MAPKAP1: variants seen among roughly 807,000 people sequenced by gnomAD.
The protein encoded by MAPKAP1 is target of rapamycin complex 2 subunit MAPKAP1.
In MAPKAP1, 20 loss-of-function variants were observed where a neutral mutation model predicts 65.7. That is an observed-to-expected ratio of 0.30 (90% CI 0.21 to 0.44). The LOEUF (loss-of-function observed/expected upper bound fraction) is 0.44, where lower values mean the gene tolerates loss of function less well. MAPKAP1 is among the 20% of genes least tolerant of loss of function. The probability of loss-of-function intolerance (pLI) is 1.00; values close to 1 mark genes in which losing one functional copy is unlikely to be tolerated. For missense variants in MAPKAP1, 423 were observed against 648.0 expected (o/e 0.65, Z 3.77); for synonymous variants, 222 against 244.3 (o/e 0.91, Z 0.85).
intron 5 of MAPKAP1, among the ~76,000 whole-genome samples, chr9:125,563,663 G>A (rs974818640): frequency 2.6e-5 from 4 of 152,078 alleles, no homozygotes; most frequent in African/African-American, 9.7e-5. Context: ...ATGAAGATAT[G>A]AATGTGTAGA....
intron 1 of MAPKAP1, among the ~76,000 whole-genome samples, chr9:125,701,124 A>G (rs916378242): frequency 1.3e-5 from 2 of 152,250 alleles, no homozygotes; most frequent in African/African-American, 4.8e-5. Flanking sequence ...AAGCATATCA[A>G]TTAGAAACAG....
intron 9 of MAPKAP1, 52 bp downstream of exon 9, chr9:125,484,391 T>C: frequency 4.5e-6 from 7 of 1,555,080 alleles, no homozygotes; most frequent in Non-Finnish European, 6.1e-6. Context: ...TCCCCATTTC[T>C]ACACCGACTG....
chr9:125,579,029 TA>T (rs1372920960), intron 5 of MAPKAP1, among the ~76,000 whole-genome samples: 3 of 152,204 alleles, frequency 2.0e-5, no homozygotes, highest in African/African-American at 7.2e-5. Flanking sequence ...CAAAATTCAA[TA>T]AAGAATAACA....
chr9:125,516,576 C>T (rs1458194870), intron 7 of MAPKAP1, among the ~76,000 whole-genome samples: 1 of 152,206 alleles, frequency 6.6e-6, no homozygotes, highest in African/African-American at 2.4e-5. Context: ...CAATCTTCAT[C>T]AGCCAAAGGA....
At chr9:125,636,847 CTCAACCCTG>C (rs1404657801) in intron 4 of MAPKAP1, among the ~76,000 whole-genome samples, 2 of 152,214 alleles carry the variant, frequency 1.3e-5, no homozygotes, top group Non-Finnish European at 2.9e-5. Context: ...AAAGCTAGGA[CTCAACCCTG>C]TCTTACCCTA....
At chr9:125,536,562 C>T (rs1830078987) in intron 7 of MAPKAP1, among the ~76,000 whole-genome samples, 1 of 142,536 alleles carries the variant, frequency 7.0e-6, no homozygotes, top group South Asian at 2.3e-4. Context: ...ACAAAGATCA[C>T]TTAAACAGTT....
intron 1 of MAPKAP1, among the ~76,000 whole-genome samples, chr9:125,686,260 C>T (rs990156009): frequency 4.8e-5 from 7 of 144,514 alleles, no homozygotes; most frequent in African/African-American, 1.8e-4. Flanking sequence ...TGCAGTGGAC[C>T]GAGATAGAGC....
At chr9:125,644,834 C>CGATA (rs1833679645) in intron 4 of MAPKAP1, among the ~76,000 whole-genome samples, 1 of 152,162 alleles carries the variant, frequency 6.6e-6, no homozygotes, top group Non-Finnish European at 1.5e-5. Context: ...GAGATAATAT[C>CGATA]CATTTCTAGT....
chr9:125,502,616 T>A (rs1023386673), intron 8 of MAPKAP1, among the ~76,000 whole-genome samples: 1 of 152,214 alleles, frequency 6.6e-6, no homozygotes, highest in Non-Finnish European at 1.5e-5. Context: ...GTCTTGTTTT[T>A]TCCTAGCCTA....
chr9:125,557,627 C>T (rs1830773320), intron 6 of MAPKAP1, among the ~76,000 whole-genome samples: 1 of 147,636 alleles, frequency 6.8e-6, no homozygotes, highest in African/African-American at 2.4e-5. Flanking sequence ...TAGATAATGA[C>T]CATCATCATC....
chr9:125,588,646 T>C (rs536871991), intron 4 of MAPKAP1, among the ~76,000 whole-genome samples: 9 of 152,368 alleles, frequency 5.9e-5, no homozygotes, highest in African/African-American at 9.6e-5. Context: ...ACCTGAACTA[T>C]TGTAACAGTT....
chr9:125,478,562 T>G (rs1027391958), intron 9 of MAPKAP1, among the ~76,000 whole-genome samples: 1 of 152,144 alleles, frequency 6.6e-6, no homozygotes, highest in African/African-American at 2.4e-5. Flanking sequence ...ATTCCTGGCT[T>G]CTAGCAATCC....
At chr9:125,586,930 T>C (rs1259667310) in intron 4 of MAPKAP1, among the ~76,000 whole-genome samples, 1 of 152,236 alleles carries the variant, frequency 6.6e-6, no homozygotes, top group Non-Finnish European at 1.5e-5. Flanking sequence ...GTCTTGATGC[T>C]TCTTCCTCCC....
At chr9:125,442,956 A>T (rs1165199669) in intron 11 of MAPKAP1, among the ~76,000 whole-genome samples, 2 of 152,212 alleles carry the variant, frequency 1.3e-5, no homozygotes, top group Non-Finnish European at 2.9e-5. Context: ...CAAGTCTGAA[A>T]TCTGTCAAAT....
chr9:125,648,951 A>G lies in MAPKAP1; in HGVS notation c.498+8700T>C, dbSNP rs115985788. On this transcript the variant is annotated intron_variant, in intron 4 of 11. Transcript: ENST00000265960. The stretch of plus-strand genomic sequence containing the variant: ...GACTCTGACTCAAAAAAAAAAAGAA[A>G]AGAAAATAAGAAAATAAGAATCTCT... Among the ~76,000 whole-genome samples, 629 of 152,204 alleles carry G rather than the reference A, an allele frequency of 4.1e-3. 6 individuals are homozygous for G. The highest frequency in any genetic ancestry group is 0.015 in the African/African-American group (603 of 41,530).
chr9:125,558,844 C>T (rs1337916360), intron 6 of MAPKAP1, among the ~76,000 whole-genome samples: 1 of 152,140 alleles, frequency 6.6e-6, no homozygotes, highest in Admixed American at 6.5e-5. Flanking sequence ...TTTGCATTTC[C>T]TTGATTTATA....
At chr9:125,568,405 C>T (rs535248850) in intron 5 of MAPKAP1, among the ~76,000 whole-genome samples, 3 of 152,252 alleles carry the variant, frequency 2.0e-5, no homozygotes, top group East Asian at 3.9e-4. Flanking sequence ...AGAAAAGGTC[C>T]GTTTGCAACC....
At chr9:125,604,268 A>G (rs187421964) in intron 4 of MAPKAP1, among the ~76,000 whole-genome samples, 3 of 152,362 alleles carry the variant, frequency 2.0e-5, no homozygotes, top group Admixed American at 2.0e-4. Context: ...TTTATCAATT[A>G]TATTTTTGTA....
rs188970931 is a variant in MAPKAP1, at chr9:125,455,719, C to A, written c.1346-11121G>T. Reference sequence around the variant, plus strand: ...TAAAATCCATTCTTGCCTGACAGGCCATACAAAAACAGGTAGTGGGCTGGA... The same window carrying A: ...TAAAATCCATTCTTGCCTGACAGGCAATACAAAAACAGGTAGTGGGCTGGA... On this transcript the variant is annotated intron_variant, in intron 10 of 11. Transcript: ENST00000265960. 1.3e-3 allele frequency among the ~76,000 whole-genome samples: 193 copies of A among 152,268 alleles called. 2 individuals carry two copies. Among genetic ancestry groups the A allele is most frequent in the African/African-American group, 4.4e-3 (183 of 41,564 alleles).
Sources: gnomAD v4.1 joint callset for allele counts (sites outside exome capture counted in the v4.1 genomes callset) on GRCh38, gnomAD v4.1.1 for gene constraint, MANE v1.5 for transcripts, NCBI Gene and HGNC (gene_info 2026-07-23, HGNC 2026-07-21) for gene names.